Variants in EPHA5 observed in about 807,000 individuals in gnomAD.
The protein encoded by EPHA5 is EPH receptor A5.
In EPHA5, 60 loss-of-function variants were observed where a neutral mutation model predicts 105.0. That is an observed-to-expected ratio of 0.57 (90% confidence interval 0.46 to 0.71). EPHA5 has a LOEUF of 0.71. Among genes scored for constraint, EPHA5 ranks in the 30% least tolerant of loss-of-function variants. The probability of loss-of-function intolerance (pLI) is 0.00; values close to 1 mark genes in which losing one functional copy is unlikely to be tolerated. For synonymous variants in EPHA5, 513 were observed against 449.1 expected (o/e 1.14, Z -1.80); for missense variants, 1,218 against 1,274.7 (o/e 0.96, Z 0.68).
rs778192399 is a variant in EPHA5, at chr4:65,601,652, C to T, written c.899G>A (p.Gly300Asp). Residue 300 changes from glycine (G) to aspartate (D), a missense_variant, in exon 3 of 17, where the codon GGC becomes GAC. By Grantham distance (94) the Gly-to-Asp change is moderately conservative. Coordinates refer to ENST00000613740, the MANE Select transcript of EPHA5 (RefSeq NM_001281766.3). ...AGGCAAACTCTTACCTTGACAGGTG[C>T]CATTTTTCTCTTCATATCCTGCCTT... is the stretch of plus-strand genomic sequence containing the variant. ...MCKAGYEEKN[G>D]TCQVCRPGFF... The T allele has an allele frequency of 5.6e-6, 9 of 1,612,784 alleles. No individual in the cohort carries two copies. Among genetic ancestry groups the T allele is most frequent in the Admixed American group, 1.7e-5 (1 of 59,984 alleles).
chr4:65,444,590 A>T (rs1269855882), intron 5 of EPHA5, among the ~76,000 whole-genome samples: 1 of 152,182 alleles, frequency 6.6e-6, no homozygotes, highest in African/African-American at 2.4e-5. Flanking sequence ...CAGTGTTAAC[A>T]TCCACAGCCA....
intron 3 of EPHA5, among the ~76,000 whole-genome samples, chr4:65,505,609 T>C (rs1732931310): frequency 6.6e-6 from 1 of 152,088 alleles, no homozygotes; most frequent in African/African-American, 2.4e-5. Flanking sequence ...TCACAAAATA[T>C]TGAGAAAATG....
Position 65,420,422 on chromosome 4 carries a change from T to C in EPHA5, c.1527+19A>G. On this transcript the variant is annotated intron_variant, in intron 6 of 16. Transcript: ENST00000613740. ...AAAAAAAAAGAAAGTGAGGACATTTTTTATTCTGTTAGTCTTACCTTTTCA... is the reference window on the plus strand; with the variant it reads ...AAAAAAAAAGAAAGTGAGGACATTTCTTATTCTGTTAGTCTTACCTTTTCA... 6.5e-7 allele frequency: 1 copy of C among 1,546,834 alleles called. No homozygotes were observed. Among genetic ancestry groups the C allele is most frequent in the African/African-American group, 1.4e-5 (1 of 70,940 alleles).
At chr4:65,522,359 CTCAAAGTCAACTTCTTGGGTTTTTCTCAT>C (rs1257958116) in intron 3 of EPHA5, among the ~76,000 whole-genome samples, 6 of 139,262 alleles carry the variant, frequency 4.3e-5, no homozygotes, top group African/African-American at 1.6e-4. Context: ...ACCTGACTTA[CTCAAAGTCAACTTCTTGGGTTTTTCTCAT>C]TTTCATCTAT....
intron 3 of EPHA5, among the ~76,000 whole-genome samples, chr4:65,574,772 TCA>T (rs1160483489): frequency 7.0e-6 from 1 of 142,670 alleles, no homozygotes; most frequent in African/African-American, 2.7e-5. Context: ...AGTAATTTTC[TCA>T]GAGTATTGAA....
intron 5 of EPHA5, among the ~76,000 whole-genome samples, chr4:65,442,477 T>G (rs1386549956): frequency 2.0e-5 from 3 of 152,156 alleles, no homozygotes; most frequent in Non-Finnish European, 4.4e-5. Flanking sequence ...AACCAGTCTA[T>G]GGCATCGCTA....
At chr4:65,415,594 G>T (rs1369355764) in intron 6 of EPHA5, among the ~76,000 whole-genome samples, 2 of 151,974 alleles carry the variant, frequency 1.3e-5, no homozygotes, top group East Asian at 3.9e-4. Context: ...TAATTTATAA[G>T]CCAAATAGCA....
At chr4:65,668,043 T>G (rs72642697) in intron 1 of EPHA5, among the ~76,000 whole-genome samples, 3,811 of 152,232 alleles carry the variant, frequency 0.025, 57 homozygotes, top group Non-Finnish European at 0.041. Flanking sequence ...AATACCCAAT[T>G]GTTTGGCTTA....
intron 14 of EPHA5, among the ~76,000 whole-genome samples, chr4:65,347,032 G>A (rs1035764863): frequency 6.6e-6 from 1 of 152,062 alleles, no homozygotes; most frequent in East Asian, 1.9e-4. Flanking sequence ...GGTTGGACTC[G>A]AATTTTTAGA....
intron 8 of EPHA5, among the ~76,000 whole-genome samples, chr4:65,400,134 T>C (rs533085762): frequency 6.6e-6 from 1 of 152,292 alleles, no homozygotes; most frequent in Non-Finnish European, 1.5e-5. Context: ...TATTCATTGG[T>C]GAAAGACTGG....
chr4:65,444,458 C>G (rs1395916143), intron 5 of EPHA5, among the ~76,000 whole-genome samples: 1 of 152,082 alleles, frequency 6.6e-6, no homozygotes, highest in Non-Finnish European at 1.5e-5. Context: ...TTGAATGTTA[C>G]TATGCACAGT....
intron 8 of EPHA5, among the ~76,000 whole-genome samples, chr4:65,389,326 G>C (rs1244100125): frequency 6.6e-6 from 1 of 151,828 alleles, no homozygotes; most frequent in Admixed American, 6.6e-5. Flanking sequence ...AGTATATCTA[G>C]GAAAAATTAA....
chr4:65,335,033 A>C (rs1054597159), intron 15 of EPHA5, among the ~76,000 whole-genome samples: 4 of 152,040 alleles, frequency 2.6e-5, no homozygotes, highest in African/African-American at 7.2e-5. Context: ...ATTTGTATTT[A>C]AAATGACTTT....
rs184272879 is a variant in EPHA5, at chr4:65,424,653, A to T, written c.1403-4088T>A. Among the ~76,000 whole-genome samples the T allele has an allele frequency of 2.9e-3, 441 of 152,096 alleles. 1 individual carries two copies. Among genetic ancestry groups the T allele is most frequent in the Admixed American group, 4.9e-3 (75 of 15,262 alleles). The stretch of plus-strand genomic sequence containing the variant: ...GTTTTATCCTTTATCAGTCAAAATT[A>T]TTTGTCGCTTCTTCTCTGAACTTGG... On this transcript the variant is annotated intron_variant, in intron 5 of 16. Transcript: ENST00000613740.
Position 65,453,887 on chromosome 4 carries a change from G to T in EPHA5, c.1403-33322C>A, listed in dbSNP as rs1047368783. The stretch of plus-strand genomic sequence containing the variant: ...CATTCCTGCCCTAAATCTTGCCTAG[G>T]TCTCTCCTTCTGCCTTATGCTGCCT... On this transcript the variant is annotated intron_variant, in intron 5 of 16. Transcript: ENST00000613740. Among the ~76,000 whole-genome samples the T allele has an allele frequency of 3.9e-5, 6 of 152,198 alleles. No homozygotes were observed. In the East Asian group the frequency reaches 7.7e-4, roughly 20 times the overall value.
chr4:65,398,707 C>A (rs1488477991), intron 8 of EPHA5, among the ~76,000 whole-genome samples: 1 of 152,106 alleles, frequency 6.6e-6, no homozygotes, highest in Non-Finnish European at 1.5e-5. Context: ...TAGGAGCTAC[C>A]CACTCTGGGT....
At position 65,336,081 on chromosome 4, in the gene EPHA5, C is replaced by A. The variant is rs2148813792; in HGVS notation, c.2640G>T (p.Met880Ile). The stretch of plus-strand genomic sequence containing the variant: ...ACTGATAGAGAGCAGCAGGACAATC[C>A]ATGGGGCTTGGCAGACGATAGCCTT... ...VEEGYRLPSP[M>I]DCPAALYQLM... is the part of the protein sequence containing the mutation. The change falls in exon 15 of 17, where the codon ATG (methionine) becomes ATT (isoleucine). Residue 880 changes from methionine (M) to isoleucine (I), a missense_variant. Around this residue, in one of 3 missense-constraint regions of EPHA5, gnomAD observed 971 missense variants for 1,013.5 expected, o/e 0.96. Transcript: ENST00000613740. The A allele has an allele frequency of 6.2e-7, 1 of 1,612,774 alleles. No individual in the cohort carries two copies. The highest frequency in any genetic ancestry group is 8.5e-7 in the Non-Finnish European group (1 of 1,179,320).
At chr4:65,630,483 T>A (rs1161305237) in intron 2 of EPHA5, among the ~76,000 whole-genome samples, 3 of 152,116 alleles carry the variant, frequency 2.0e-5, no homozygotes, top group Admixed American at 6.6e-5. Context: ...GGAGAAGGGA[T>A]TCAAGACCCA....
intron 3 of EPHA5, among the ~76,000 whole-genome samples, chr4:65,584,829 C>T (rs1433899266): frequency 6.6e-6 from 1 of 151,878 alleles, no homozygotes; most frequent in Non-Finnish European, 1.5e-5. Context: ...GTTAAAAAAT[C>T]TTCCTATTTA....
Sources: allele counts gnomAD v4.1 joint callset (sites outside exome capture counted in the v4.1 genomes callset), GRCh38; gene constraint gnomAD v4.1.1; regional missense constraint gnomAD v4.1.1; transcripts MANE v1.5; gene names NCBI Gene and HGNC (gene_info 2026-07-23, HGNC 2026-07-21).